Variants in MAST4 observed in about 807,000 individuals in gnomAD.
MAST4 encodes the protein microtubule-associated serine/threonine-protein kinase 4.
MAST4 carries 89 observed loss-of-function variants against 162.7 expected under a neutral mutation model. The ratio of observed to expected loss-of-function variants is 0.55; its 90% confidence interval spans 0.46 to 0.65. The LOEUF (loss-of-function observed/expected upper bound fraction) is 0.65. Among genes scored for constraint, MAST4 ranks in the 30% least tolerant of loss-of-function variants. MAST4 has a pLI of 0.00. For missense variants in MAST4, 3,153 were observed against 3,374.0 expected (o/e 0.93, Z 1.62); for synonymous variants, 1,479 against 1,361.1 (o/e 1.09, Z -1.91).
chr5:67,150,076 G>A (rs2454886), intron 24 of MAST4, among the ~76,000 whole-genome samples: 2 of 152,298 alleles, frequency 1.3e-5, no homozygotes, highest in East Asian at 3.9e-4. Context: ...AGACAGCATT[G>A]AAATTCTAGG....
At chr5:66,924,510 C>T (rs1764748452) in intron 4 of MAST4, among the ~76,000 whole-genome samples, 1 of 151,970 alleles carries the variant, frequency 6.6e-6, no homozygotes, top group Non-Finnish European at 1.5e-5. Flanking sequence ...TCTCCTGCCT[C>T]AGCCTCCTGA....
At position 66,884,691 on chromosome 5, in the gene MAST4, T is replaced by C. The variant is rs545266322; in HGVS notation, c.643-15260T>C. On this transcript the variant is annotated intron_variant, in intron 3 of 28. Transcript: ENST00000403625. ...TTGTCCAAGGACTGTCCTAGTTTGT[T>C]AGTCCAGGAAAATAAGCTAGGTCAG... is the stretch of plus-strand genomic sequence containing the variant. 2.6e-5 allele frequency among the ~76,000 whole-genome samples: 4 copies of C among 152,310 alleles called. No homozygotes were observed. In the East Asian group the frequency reaches 7.7e-4, roughly 29 times the overall value.
intron 3 of MAST4, among the ~76,000 whole-genome samples, chr5:66,819,450 G>T (rs144260118): frequency 1.5e-3 from 221 of 152,250 alleles, no homozygotes; most frequent in Middle Eastern, 3.4e-3. Flanking sequence ...TAAGGCTGAA[G>T]ACATGATCTT....
intron 4 of MAST4, among the ~76,000 whole-genome samples, chr5:66,995,796 A>T (rs1431882615): frequency 1.3e-5 from 2 of 152,002 alleles, no homozygotes; most frequent in African/African-American, 2.4e-5. Flanking sequence ...GGATCACATG[A>T]GCCCTGGAGT....
At chr5:66,750,662 C>T (rs1470525831) in intron 1 of MAST4, among the ~76,000 whole-genome samples, 3 of 152,212 alleles carry the variant, frequency 2.0e-5, no homozygotes, top group Non-Finnish European at 4.4e-5. Flanking sequence ...CGGAGTCTCC[C>T]TGATTGCTAG....
intron 6 of MAST4, among the ~76,000 whole-genome samples, chr5:67,092,832 A>T (rs2545386): frequency 7.1e-6 from 1 of 140,968 alleles, no homozygotes; most frequent in Non-Finnish European, 1.5e-5. Context: ...ACTAAAGATC[A>T]TTGGCTCTGG....
intron 3 of MAST4, among the ~76,000 whole-genome samples, chr5:66,801,718 ACAC>A (rs1407134069): frequency 6.6e-6 from 1 of 152,240 alleles, no homozygotes; most frequent in African/African-American, 2.4e-5. Context: ...GATCTTTGTT[ACAC>A]ATGTCATTAA....
intron 5 of MAST4, among the ~76,000 whole-genome samples, chr5:67,068,274 A>C (rs1426117751): frequency 6.6e-6 from 1 of 152,284 alleles, no homozygotes; most frequent in East Asian, 1.9e-4. Flanking sequence ...GAAATACTCG[A>C]GACTGGGTAA....
Position 66,822,681 on chromosome 5 carries a change from G to A in MAST4, c.642+33887G>A, listed in dbSNP as rs1189819418. On this transcript the variant is annotated intron_variant, in intron 3 of 28. Transcript: ENST00000403625. ...GGCCCTGCTGCGTTTCTCTCTTATA[G>A]GCACATGGCTCAGAGAATTGGGGAT... Among the ~76,000 whole-genome samples, 7 of 152,240 alleles carry A rather than the reference G, an allele frequency of 4.6e-5. No homozygotes were observed. The East Asian group carries it at 1.2e-3, about 25-fold the overall frequency.
intron 1 of MAST4, among the ~76,000 whole-genome samples, chr5:66,666,961 C>T (rs1175910289): frequency 6.6e-6 from 1 of 151,886 alleles, no homozygotes; most frequent in Non-Finnish European, 1.5e-5. Context: ...TGGGGCTTGA[C>T]TGGCAGCCTG....
At chr5:66,658,877 C>A (rs570341009) in intron 1 of MAST4, among the ~76,000 whole-genome samples, 7 of 152,184 alleles carry the variant, frequency 4.6e-5, no homozygotes, top group African/African-American at 1.7e-4. Flanking sequence ...AAAGAATTAG[C>A]TGGGCATGGT....
chr5:66,870,844 G>T (rs1272284682), intron 3 of MAST4: 2 of 471,398 alleles, frequency 4.2e-6, no homozygotes, highest in Non-Finnish European at 4.4e-6. Context: ...GGACCCAGCT[G>T]CTTCAAAAGT....
Position 66,750,802 on chromosome 5 carries a change from A to G in MAST4, c.364-8907A>G, listed in dbSNP as rs547042890. On this transcript the variant is annotated intron_variant, in intron 1 of 28. Coordinates refer to ENST00000403625, the MANE Select transcript of MAST4 (RefSeq NM_001164664.2). ...ACTGGGTGGAGCCCACCACAGCTCA[A>G]GGAGGCCTGCCTGCCTCTGTAGGCT... Among the ~76,000 whole-genome samples the G allele has an allele frequency of 8.0e-3, 1,212 of 152,350 alleles. 13 individuals are homozygous for G. Among genetic ancestry groups the G allele is most frequent in the African/African-American group, 0.025 (1,021 of 41,578 alleles).
intron 1 of MAST4, among the ~76,000 whole-genome samples, chr5:66,747,891 G>T (rs1752865692): frequency 1.3e-5 from 2 of 152,182 alleles, no homozygotes; most frequent in Admixed American, 1.3e-4. Context: ...GTCTTCTGAA[G>T]GGTGAGGGGG....
intron 3 of MAST4, among the ~76,000 whole-genome samples, chr5:66,871,547 C>T (rs1760930346): frequency 6.6e-6 from 1 of 152,176 alleles, no homozygotes; most frequent in Non-Finnish European, 1.5e-5. Context: ...ATTTGCTCAT[C>T]CCACACAGCT....
chr5:67,051,433 A>G (rs1480864214), intron 4 of MAST4, among the ~76,000 whole-genome samples: 2 of 152,138 alleles, frequency 1.3e-5, no homozygotes, highest in Admixed American at 6.5e-5. Flanking sequence ...TGTTATTATT[A>G]ATGTGGGCAT....
In MAST4 at chr5:66,787,373, A is replaced by G. The variant is rs143148511; in HGVS notation, c.518-1297A>G. On this transcript the variant is annotated intron_variant, in intron 2 of 28. Coordinates refer to ENST00000403625, the MANE Select transcript of MAST4 (RefSeq NM_001164664.2). Reference sequence around the variant, plus strand: ...TCTATAATAAAAGAGTGAAAAAGCAATTCTGGCAAAAGAAGCCATTTTTTC... The same window carrying G: ...TCTATAATAAAAGAGTGAAAAAGCAGTTCTGGCAAAAGAAGCCATTTTTTC... 5.7e-3 allele frequency among the ~76,000 whole-genome samples: 864 copies of G among 152,358 alleles called. 9 individuals are homozygous for G. The South Asian group carries it at 0.057, about 10-fold the overall frequency.
chr5:66,883,465 G>C (rs1761836131), intron 3 of MAST4, among the ~76,000 whole-genome samples: 1 of 128,728 alleles, frequency 7.8e-6, no homozygotes, highest in East Asian at 2.4e-4. Flanking sequence ...GTCTCCCTCT[G>C]TTGCCCAGGC....
chr5:66,995,839 ATACTC>A (rs1255372771), intron 4 of MAST4, among the ~76,000 whole-genome samples: 1 of 151,402 alleles, frequency 6.6e-6, no homozygotes, highest in African/African-American at 2.4e-5. Flanking sequence ...TTTCACCACT[ATACTC>A]CAGCCTGAGA....
Sources: allele counts gnomAD v4.1 joint callset (sites outside exome capture counted in the v4.1 genomes callset), GRCh38; gene constraint gnomAD v4.1.1; transcripts MANE v1.5; gene names NCBI Gene and HGNC (gene_info 2026-07-23, HGNC 2026-07-21).